The following MTNR1B variants were observed in gnomAD, a reference collection of about 807,000 sequenced individuals.
MTNR1B encodes melatonin receptor 1B.
MTNR1B carries 7 observed loss-of-function variants against 7.0 expected under a neutral mutation model. The ratio of observed to expected loss-of-function variants is 1.00; its 90% CI spans 0.57 to 1.88. The LOEUF is 1.88. Ranked by LOEUF, MTNR1B falls within the 40% of genes most tolerant of loss-of-function variation. The pLI is 0.00. For missense variants in MTNR1B, 478 were observed against 486.5 expected (o/e 0.98, Z 0.16); for synonymous variants, 226 against 208.2 (o/e 1.09, Z -0.74).
rs149703897 is a variant in MTNR1B, at chr11:92,981,559, C to T, written c.336C>T (p.His112=). 1.5e-4 allele frequency: 235 copies of T among 1,614,198 alleles called. 1 individual carries two copies. The African/African-American group carries it at 2.8e-3, about 19-fold the overall frequency. ...ACGGCTGGGCCCTGGGGGAGGAGCACTGCAAGGCCAGCGCCTTTGTGATGG... is the reference window on the plus strand; with the variant it reads ...ACGGCTGGGCCCTGGGGGAGGAGCATTGCAAGGCCAGCGCCTTTGTGATGG... The part of the protein sequence containing the change: ...FYDGWALGEE[H]CKASAFVMGL... Residue 112 remains histidine, a synonymous_variant, in exon 2 of 2, where the codon CAC becomes CAT. Coordinates refer to ENST00000257068, the MANE Select transcript of MTNR1B (RefSeq NM_005959.5).
At chr11:92,970,149 G>A (rs1360402368) in intron 1 of MTNR1B, among the ~76,000 whole-genome samples, 3 of 152,218 alleles carry the variant, frequency 2.0e-5, no homozygotes. Flanking sequence ...GGCTGCCCAG[G>A]ACGCGCTTGG....
At chr11:92,976,211 T>C (rs1379435664) in intron 1 of MTNR1B, among the ~76,000 whole-genome samples, 1 of 152,224 alleles carries the variant, frequency 6.6e-6, no homozygotes, top group Non-Finnish European at 1.5e-5. Context: ...CAGAGAATAC[T>C]GAAAGCTCCT....
chr11:92,978,054 T>C (rs925808907), intron 1 of MTNR1B, among the ~76,000 whole-genome samples: 1 of 152,236 alleles, frequency 6.6e-6, no homozygotes, highest in African/African-American at 2.4e-5. Context: ...AATGACTTGA[T>C]GATTCTCTCT....
intron 1 of MTNR1B, among the ~76,000 whole-genome samples, chr11:92,974,395 G>C (rs959274327): frequency 1.3e-5 from 2 of 152,270 alleles, no homozygotes; most frequent in East Asian, 3.9e-4. Context: ...GGCTTCCCCA[G>C]CCATGTAGAA....
At chr11:92,980,087 C>A (rs909863404) in intron 1 of MTNR1B, among the ~76,000 whole-genome samples, 5 of 152,182 alleles carry the variant, frequency 3.3e-5, no homozygotes, top group African/African-American at 9.7e-5. Context: ...TCTAGACCCC[C>A]AAAGCCACCA....
chr11:92,969,665 G>A lies in MTNR1B; in HGVS notation c.-61G>A, dbSNP rs1857887524. On this transcript the variant is annotated 5_prime_UTR_variant, in exon 1 of 2. Transcript: ENST00000257068. Reference sequence around the variant, plus strand: ...AAGAGAGCGCCCGGCTCAGTACTGCGCGCGCCCTGCGGCTGTCCGGGGCCG... The same window carrying A: ...AAGAGAGCGCCCGGCTCAGTACTGCACGCGCCCTGCGGCTGTCCGGGGCCG... 9 of 1,369,574 alleles carry A rather than the reference G, an allele frequency of 6.6e-6. No homozygotes were observed. The highest frequency in any genetic ancestry group is 8.5e-6 in the Non-Finnish European group (9 of 1,062,010). The allele number at this position is 1,369,574 out of a possible 1,614,324, so 84.8% of individuals were successfully genotyped here. A position where few individuals can be genotyped will look rare whatever the true frequency, so the allele number is the denominator to read the frequency against.
At chr11:92,980,428 G>A (rs1217944535) in intron 1 of MTNR1B, among the ~76,000 whole-genome samples, 9 of 152,192 alleles carry the variant, frequency 5.9e-5, no homozygotes, top group Non-Finnish European at 1.2e-4. Flanking sequence ...TTGCCCAAAC[G>A]TTTAGGTTCT....
chr11:92,978,069 A>G (rs961426038), intron 1 of MTNR1B, among the ~76,000 whole-genome samples: 5 of 152,276 alleles, frequency 3.3e-5, no homozygotes, highest in East Asian at 3.9e-4. Flanking sequence ...CTCTCTTTCT[A>G]TCTTGTCTTT....
chr11:92,970,767 G>A (rs1857910415), intron 1 of MTNR1B, among the ~76,000 whole-genome samples: 1 of 152,170 alleles, frequency 6.6e-6, no homozygotes, highest in African/African-American at 2.4e-5. Context: ...AGCTTAGGAA[G>A]GAGCTCAGTC....
chr11:92,973,072 G>A (rs1857959192), intron 1 of MTNR1B, among the ~76,000 whole-genome samples: 1 of 152,094 alleles, frequency 6.6e-6, no homozygotes, highest in African/African-American at 2.4e-5. Context: ...GTGTGACACT[G>A]AGGGCCACTC....
intron 1 of MTNR1B, among the ~76,000 whole-genome samples, chr11:92,980,006 C>T (rs566141662): frequency 6.6e-6 from 1 of 152,270 alleles, no homozygotes; most frequent in South Asian, 2.1e-4. Flanking sequence ...TTTCTGTACC[C>T]CGTGGAATCC....
intron 1 of MTNR1B, among the ~76,000 whole-genome samples, chr11:92,970,856 A>C (rs912143134): frequency 6.6e-6 from 1 of 152,268 alleles, no homozygotes; most frequent in Non-Finnish European, 1.5e-5. Context: ...TAAAATGGAA[A>C]GATAGCAGCA....
chr11:92,977,442 A>T (rs973032366), intron 1 of MTNR1B, among the ~76,000 whole-genome samples: 2 of 152,278 alleles, frequency 1.3e-5, no homozygotes, highest in Non-Finnish European at 1.5e-5. Context: ...AATATCTCAC[A>T]TTAATTTGGT....
rs576133464 is a variant in MTNR1B at position 92,974,662 on chromosome 11, C to T, written c.223+4714C>T. ...TGTCGCCCAGGCTGGAGTGCAGTAGCGCAATCTCGGCTCACTGCAAGCTCC... is the reference window on the plus strand; with the variant it reads ...TGTCGCCCAGGCTGGAGTGCAGTAGTGCAATCTCGGCTCACTGCAAGCTCC... On this transcript the variant is annotated intron_variant, in intron 1 of 1. Coordinates refer to ENST00000257068, the MANE Select transcript of MTNR1B (RefSeq NM_005959.5). 5.5e-4 allele frequency among the ~76,000 whole-genome samples: 84 copies of T among 151,608 alleles called. 1 individual carries two copies. The Middle Eastern group carries it at 0.014, about 25-fold the overall frequency.
chr11:92,980,477 C>G (rs1266800527), intron 1 of MTNR1B, among the ~76,000 whole-genome samples: 1 of 152,212 alleles, frequency 6.6e-6, no homozygotes, highest in Non-Finnish European at 1.5e-5. Flanking sequence ...TTTTAGAACG[C>G]AAACACTTGA....
intron 1 of MTNR1B, chr11:92,972,732 C>T: frequency 5.7e-6 from 2 of 352,220 alleles, no homozygotes; most frequent in South Asian, 4.3e-5. Flanking sequence ...CCGTTGAGAA[C>T]TTTCCCTCCT....
In MTNR1B at chr11:92,982,351, G is replaced by T; in HGVS notation, c.*39G>T. 1 of 1,583,030 alleles carries T rather than the reference G, an allele frequency of 6.3e-7. No individual in the cohort carries two copies. Among genetic ancestry groups the T allele is most frequent in the Admixed American group, 1.8e-5 (1 of 55,830 alleles). On this transcript the variant is annotated 3_prime_UTR_variant, in exon 2 of 2. Transcript: ENST00000257068. ...CACACCAGCAGCATGACAAACTCAT[G>T]AAATGGTGGGAGAGAGTCTGCTGCA...
intron 1 of MTNR1B, among the ~76,000 whole-genome samples, chr11:92,975,331 G>C (rs893289421): frequency 1.3e-5 from 2 of 152,202 alleles, no homozygotes; most frequent in Admixed American, 1.3e-4. Flanking sequence ...AGGCTGTCTG[G>C]GAGGTTTAGT....
intron 1 of MTNR1B, among the ~76,000 whole-genome samples, chr11:92,971,330 G>A (rs1857919413): frequency 6.6e-6 from 1 of 151,990 alleles, no homozygotes; most frequent in South Asian, 2.1e-4. Context: ...GCCATCATAT[G>A]GGAAACATAA....
Sources: allele counts gnomAD v4.1 joint callset (sites outside exome capture counted in the v4.1 genomes callset), GRCh38; gene constraint gnomAD v4.1.1; transcripts MANE v1.5; gene names NCBI Gene and HGNC (gene_info 2026-07-23, HGNC 2026-07-21).